Variants in DNAH10 observed in about 807,000 individuals in gnomAD.
DNAH10 encodes axonemal beta dynein heavy chain 10.
In DNAH10, 348 loss-of-function variants were observed where a neutral mutation model predicts 506.6. The observed-to-expected ratio is 0.69, with a 90% CI of 0.63 to 0.75. The LOEUF is 0.75. DNAH10 is among the 30% of genes least tolerant of loss of function. DNAH10 has a pLI of 0.00. For synonymous variants in DNAH10, 2,059 were observed against 2,198.6 expected (o/e 0.94, Z 1.78); for missense variants, 5,179 against 5,787.1 (o/e 0.89, Z 3.41).
intron 39 of DNAH10, among the ~76,000 whole-genome samples, chr12:123,863,964 G>T (rs969999597): frequency 4.6e-5 from 7 of 152,146 alleles, no homozygotes; most frequent in African/African-American, 1.7e-4. Flanking sequence ...CAGGGGCAGG[G>T]ACTATGACAC....
At chr12:123,877,946 G>A in intron 48 of DNAH10, 38 bp downstream of exon 48, 1 of 1,591,698 alleles carries the variant, frequency 6.3e-7, no homozygotes, top group South Asian at 1.1e-5. Context: ...TGCCCCACAG[G>A]TATGATAGTT....
rs1289550229 is a variant in DNAH10 at position 123,787,743 on chromosome 12, G to A, written c.1422-61G>A. ...ACGGGACACTGGCTCCCCAGCCGGGGAGTGCGGCTCGGACCCGGAGCTCCG... is the reference window on the plus strand; with the variant it reads ...ACGGGACACTGGCTCCCCAGCCGGGAAGTGCGGCTCGGACCCGGAGCTCCG... On this transcript the variant is annotated intron_variant, in intron 9 of 78. Transcript: ENST00000673944. The surrounding 1 kb of genome is among the most constrained non-coding windows in gnomAD (Gnocchi z 4.6). 2 of 1,564,718 alleles carry A rather than the reference G, an allele frequency of 1.3e-6. No homozygotes were observed. The highest frequency in any genetic ancestry group is 4.6e-5 in the East Asian group (2 of 43,758).
chr12:123,859,095 A>G (rs1823786563), intron 37 of DNAH10, 55 bp from the exon 38 acceptor site: 1 of 1,500,068 alleles, frequency 6.7e-7, no homozygotes, highest in East Asian at 2.4e-5. Context: ...TCGCAATAAA[A>G]CTGCGTCAGA....
rs1950928133 is a variant in DNAH10 at position 123,845,801 on chromosome 12, A to G, written c.5562A>G (p.Lys1854=). ...ITMPLSKNDR[K]KYNTVLIIDV... ...TGCCGCTAAGCAAAAACGACAGGAA[A>G]AAATACAACACTGTTCTCATCATTG... Residue 1854 remains lysine, a synonymous_variant, in exon 31 of 79, where the codon AAA becomes AAG. Transcript: ENST00000673944. 6.2e-7 allele frequency: 1 copy of G among 1,614,052 alleles called. No homozygotes were observed. The highest frequency in any genetic ancestry group is 8.5e-7 in the Non-Finnish European group (1 of 1,179,902).
intron 27 of DNAH10, among the ~76,000 whole-genome samples, chr12:123,833,882 G>T (rs924387184): frequency 6.6e-6 from 1 of 152,164 alleles, no homozygotes; most frequent in African/African-American, 2.4e-5. Context: ...CTGGGAAGTA[G>T]CAAGGTCTTA....
rs1444761455 is a variant in DNAH10 at position 123,928,659 on chromosome 12, C to T, written c.12306+72C>T. 26 of 1,480,580 alleles carry T rather than the reference C, an allele frequency of 1.8e-5. No individual in the cohort carries two copies. Among genetic ancestry groups the T allele is most frequent in the Admixed American group, 1.0e-4 (5 of 48,814 alleles). 91.7% of individuals were successfully genotyped at this position (1,480,580 alleles called of 1,614,324 possible). ...GAACACCTGCATGCTGCTCTGGGGC[C>T]GGGGTGTGCCTTTGTCTGTGTAGAA... is the stretch of plus-strand genomic sequence containing the variant. On this transcript the variant is annotated intron_variant, in intron 70 of 78. Transcript: ENST00000673944. This position sits in a 1 kb window ranked among gnomAD's most constrained non-coding sequence, Gnocchi z 4.9.
At chr12:123,789,476 C>T (rs569117302) in intron 10 of DNAH10, among the ~76,000 whole-genome samples, 8 of 151,882 alleles carry the variant, frequency 5.3e-5, no homozygotes, top group Admixed American at 1.3e-4. Context: ...CTCTGCCTTC[C>T]GGGTTGAAGT....
At chr12:123,770,131 C>G (rs1022203068) in intron 2 of DNAH10, among the ~76,000 whole-genome samples, 14 of 151,720 alleles carry the variant, frequency 9.2e-5, no homozygotes, top group Non-Finnish European at 1.5e-5. Context: ...ACCTGTAATC[C>G]CAGCTACTCG....
chr12:123,893,967 G>C (rs1028642277), intron 53 of DNAH10, among the ~76,000 whole-genome samples: 9 of 151,852 alleles, frequency 5.9e-5, no homozygotes, highest in Admixed American at 5.9e-4. Flanking sequence ...CCAAGGGTGA[G>C]AAACTCTGCT....
chr12:123,909,240 C>T lies in DNAH10; in HGVS notation c.9816-21C>T, dbSNP rs1287627411. ...GGCCACATCCCGGGGTTGTGACCCACGTGCCTTGGTTTCTTGCCAGGTCGT... is the reference window on the plus strand; with the variant it reads ...GGCCACATCCCGGGGTTGTGACCCATGTGCCTTGGTTTCTTGCCAGGTCGT... On this transcript the variant is annotated intron_variant, in intron 57 of 78. Coordinates refer to ENST00000673944, the MANE Select transcript of DNAH10 (RefSeq NM_001372106.1). This position sits in a 1 kb window ranked among gnomAD's most constrained non-coding sequence, Gnocchi z 5.4. 1.2e-5 allele frequency: 20 copies of T among 1,609,594 alleles called. No homozygotes were observed. The highest frequency in any genetic ancestry group is 8.4e-5 in the Admixed American group (5 of 59,542).
At chr12:123,839,475 CTATTTA>C (rs1950689118) in intron 29 of DNAH10, among the ~76,000 whole-genome samples, 1 of 152,078 alleles carries the variant, frequency 6.6e-6, no homozygotes, top group African/African-American at 2.4e-5. Context: ...AAATGAGTTA[CTATTTA>C]TAAAGTACTT....
At chr12:123,859,969 G>T (rs1041918354) in intron 38 of DNAH10, among the ~76,000 whole-genome samples, 3 of 152,014 alleles carry the variant, frequency 2.0e-5, no homozygotes, top group African/African-American at 7.3e-5. Context: ...ATTTGAGGCT[G>T]CAGTGGGCTA....
intron 5 of DNAH10, among the ~76,000 whole-genome samples, chr12:123,777,913 T>G (rs913260946): frequency 6.6e-6 from 1 of 152,126 alleles, no homozygotes; most frequent in African/African-American, 2.4e-5. Context: ...TCTGCCCTCC[T>G]CGGCCTCCCA....
rs1566103221 is a variant in DNAH10, at chr12:123,918,698, CGGA to C, written c.11257_11259del (p.Glu3753del). The C allele has an allele frequency of 6.4e-7, 1 of 1,561,614 alleles. No individual in the cohort carries two copies. The highest frequency in any genetic ancestry group is 8.7e-7 in the Non-Finnish European group (1 of 1,150,286). ...CAGGTCTCAGAGAAACTCAAGCTGG[CGGA>C]GAAGACAGCCTTGGACATCGACAGG... On this transcript the variant is annotated inframe_deletion, in exon 65 of 79. Coordinates refer to ENST00000673944, the MANE Select transcript of DNAH10 (RefSeq NM_001372106.1).
intron 44 of DNAH10, 38 bp downstream of exon 44, chr12:123,870,523 G>T: frequency 1.9e-6 from 3 of 1,603,054 alleles, no homozygotes; most frequent in Admixed American, 1.7e-5. Flanking sequence ...GGGTTTAGGA[G>T]TGTGTGATAC....
intron 55 of DNAH10, 112 bp downstream of exon 55, chr12:123,898,079 C>A: frequency 2.0e-6 from 2 of 1,002,520 alleles, no homozygotes; most frequent in Non-Finnish European, 2.8e-6. Flanking sequence ...TGAGGCCAAA[C>A]GAAGCACATC....
chr12:123,847,267 C>CTATCT (rs1565986085), intron 32 of DNAH10, among the ~76,000 whole-genome samples: 18 of 107,142 alleles, frequency 1.7e-4, no homozygotes, highest in African/African-American at 3.5e-4. Context: ...TCTATCTATC[C>CTATCT]ATCCATCCAT....
rs1467457130 is a variant in DNAH10, at chr12:123,826,896, C to G, written c.4389C>G (p.Asp1463Glu). The G allele has an allele frequency of 6.2e-7, 1 of 1,611,880 alleles. No homozygotes were observed. Among genetic ancestry groups the G allele is most frequent in the Non-Finnish European group, 8.5e-7 (1 of 1,178,742 alleles). The change falls in exon 25 of 79, where the codon GAC becomes GAG. Residue 1463 changes from aspartate to glutamate, a missense_variant and splice_region_variant. Around this residue, in one of 3 missense-constraint regions of DNAH10, gnomAD observed 4,844 missense variants for 5,430.5 expected, o/e 0.89. Transcript: ENST00000673944. Reference sequence around the variant, plus strand: ...ACTTGAAAAACGAGGCACTAAGAGACAGGTTTGTTTTGTCCTCTGTCCGCA... The same window carrying G: ...ACTTGAAAAACGAGGCACTAAGAGAGAGGTTTGTTTTGTCCTCTGTCCGCA... ...LLDLKNEALR[D>E]RHWKELMEKT...
intron 13 of DNAH10, among the ~76,000 whole-genome samples, chr12:123,797,744 T>C (rs532361782): frequency 6.6e-6 from 1 of 152,380 alleles, no homozygotes; most frequent in African/African-American, 2.4e-5. Flanking sequence ...TCTTCCAGAA[T>C]GTGGTCATGT....
Sources: allele counts gnomAD v4.1 joint callset (sites outside exome capture counted in the v4.1 genomes callset), GRCh38; gene constraint gnomAD v4.1.1; regional missense constraint gnomAD v4.1.1; non-coding constraint Gnocchi (gnomAD v3.1); transcripts MANE v1.5; gene names NCBI Gene and HGNC (gene_info 2026-07-23, HGNC 2026-07-21).